The following RAPGEF1 variants were observed in gnomAD, a reference collection of about 807,000 sequenced individuals.
RAPGEF1 encodes CRK SH3-binding GNRP.
RAPGEF1 carries 33 observed loss-of-function variants against 143.3 expected under a neutral mutation model. The ratio of observed to expected loss-of-function variants is 0.23; its 90% CI spans 0.17 to 0.31. The LOEUF (loss-of-function observed/expected upper bound fraction) is 0.31, where lower values mean the gene tolerates loss of function less well. Among genes scored for constraint, RAPGEF1 ranks in the 10% least tolerant of loss-of-function variants. RAPGEF1 has a pLI of 1.00. For missense variants in RAPGEF1, 1,199 were observed against 1,645.4 expected, an observed-to-expected ratio of 0.73 and a Z score of 4.69; for synonymous variants, 629 against 676.5, an observed-to-expected ratio of 0.93 and a Z score of 1.09.
intron 1 of RAPGEF1, among the ~76,000 whole-genome samples, chr9:131,715,850 C>T (rs538138448): frequency 1.5e-5 from 2 of 134,758 alleles, no homozygotes; most frequent in Non-Finnish European, 3.1e-5. Flanking sequence ...GGTGACAGAG[C>T]GAGACTCCCT....
intron 1 of RAPGEF1, among the ~76,000 whole-genome samples, chr9:131,685,000 C>T (rs941158670): frequency 1.1e-4 from 16 of 152,176 alleles, no homozygotes; most frequent in African/African-American, 3.6e-4. Context: ...GAAAGCGGGA[C>T]AACCAGTCAC....
Position 131,584,278 on chromosome 9 carries a change from C to G in RAPGEF1, c.3414+33G>C. 3 of 1,563,178 alleles carry G rather than the reference C, an allele frequency of 1.9e-6. No individual in the cohort carries two copies. The highest frequency in any genetic ancestry group is 2.6e-6 in the Non-Finnish European group (3 of 1,147,938). Reference sequence around the variant, plus strand: ...AGGGCTGGGCGGCCCCCCTTACCAGCCACCCTCCCGCCCACGCCCCAAGGC... The same window carrying G: ...AGGGCTGGGCGGCCCCCCTTACCAGGCACCCTCCCGCCCACGCCCCAAGGC... On this transcript the variant is annotated intron_variant, in intron 24 of 26. Transcript: ENST00000683357. The surrounding 1 kb of genome is among the most constrained non-coding windows in gnomAD (Gnocchi z 6.8).
In RAPGEF1 at chr9:131,589,216, C is replaced by T. The variant is rs544250143; in HGVS notation, c.2868-230G>A. On this transcript the variant is annotated intron_variant, in intron 19 of 26. Transcript: ENST00000683357. ...CACACACTCAACAGCCATCTGTTGG[C>T]GCTGGACAAGCGCCAGTGACTGTGC... Among the ~76,000 whole-genome samples, 88 of 152,334 alleles carry T rather than the reference C, an allele frequency of 5.8e-4. 1 individual carries two copies. The highest frequency in any genetic ancestry group is 1.2e-3 in the Non-Finnish European group (80 of 68,026).
At chr9:131,609,754 C>T (rs1957724332) in intron 12 of RAPGEF1, among the ~76,000 whole-genome samples, 3 of 152,186 alleles carry the variant, frequency 2.0e-5, no homozygotes, top group Admixed American at 2.0e-4. Context: ...GCTGGCCAGG[C>T]ACCAGTTTTT....
chr9:131,660,682 T>C (rs889113653), intron 1 of RAPGEF1, among the ~76,000 whole-genome samples: 2 of 152,214 alleles, frequency 1.3e-5, no homozygotes, highest in African/African-American at 2.4e-5. Context: ...GGAAGCTGGA[T>C]GCGACATAGT....
At position 131,588,790 on chromosome 9, in the gene RAPGEF1, G is replaced by A; in HGVS notation, c.3053+11C>T. The stretch of plus-strand genomic sequence containing the variant: ...GGGGAAGAGGCAGGGCTGGAGAGGT[G>A]GGCTTCTCACCTGGCTGCTACCCCC... On this transcript the variant is annotated intron_variant, in intron 20 of 26. Coordinates refer to ENST00000683357, the MANE Select transcript of RAPGEF1 (RefSeq NM_001377935.1). 1.2e-6 allele frequency: 2 copies of A among 1,606,286 alleles called. No homozygotes were observed. Among genetic ancestry groups the A allele is most frequent in the Non-Finnish European group, 1.7e-6 (2 of 1,176,304 alleles).
At chr9:131,709,835 G>A in intron 1 of RAPGEF1, 1 of 1,438,810 alleles carries the variant, frequency 7.0e-7, no homozygotes, top group Non-Finnish European at 9.1e-7. Flanking sequence ...GGAAGCCTGA[G>A]GAATCTCATT....
chr9:131,605,686 G>A (rs1307093526), intron 12 of RAPGEF1, among the ~76,000 whole-genome samples: 1 of 152,050 alleles, frequency 6.6e-6, no homozygotes, highest in African/African-American at 2.4e-5. Context: ...AAGCGTGGCT[G>A]GCAAGCTGCA....
At chr9:131,595,711 C>G (rs1444806509) in intron 17 of RAPGEF1, among the ~76,000 whole-genome samples, 1 of 151,434 alleles carries the variant, frequency 6.6e-6, no homozygotes, top group Non-Finnish European at 1.5e-5. Context: ...TAGCAGAGTC[C>G]ACCCAACAAG....
At chr9:131,638,869 A>T (rs1316746401) in intron 4 of RAPGEF1, 78 bp from the exon 5 acceptor site, 2 of 1,434,396 alleles carry the variant, frequency 1.4e-6, no homozygotes, top group Non-Finnish European at 1.9e-6. Context: ...CTTCTCGGTG[A>T]CAAGGGTGTG....
At position 131,621,726 on chromosome 9, in the gene RAPGEF1, G is replaced by A. The variant is rs1961097136; in HGVS notation, c.1905+70C>T. Reference sequence around the variant, plus strand: ...GAGGAGGGTTAACCCTGCCCCCAAGGAGGGTCATTCTGGTTCCTAGAGACC... The same window carrying A: ...GAGGAGGGTTAACCCTGCCCCCAAGAAGGGTCATTCTGGTTCCTAGAGACC... On this transcript the variant is annotated intron_variant, in intron 11 of 26. Coordinates refer to ENST00000683357, the MANE Select transcript of RAPGEF1 (RefSeq NM_001377935.1). This position sits in a 1 kb window ranked among gnomAD's most constrained non-coding sequence, Gnocchi z 4.5. The A allele has an allele frequency of 6.8e-7, 1 of 1,466,938 alleles. No individual in the cohort carries two copies. Among genetic ancestry groups the A allele is most frequent in the African/African-American group, 1.4e-5 (1 of 71,480 alleles). The allele number at this position is 1,466,938 out of a possible 1,614,324, so 90.9% of individuals were successfully genotyped here. A position where few individuals can be genotyped will look rare whatever the true frequency, so the allele number is the denominator to read the frequency against.
chr9:131,585,983 C>T (rs1361839535), intron 22 of RAPGEF1, among the ~76,000 whole-genome samples: 1 of 151,984 alleles, frequency 6.6e-6, no homozygotes, highest in Non-Finnish European at 1.5e-5. Flanking sequence ...GTTGAGACCA[C>T]CCTGGCTAAC....
intron 1 of RAPGEF1, among the ~76,000 whole-genome samples, chr9:131,666,935 G>A (rs1040732608): frequency 6.6e-6 from 1 of 152,158 alleles, no homozygotes; most frequent in Non-Finnish European, 1.5e-5. Context: ...GGTTGGATCT[G>A]CCTGCTTCAG....
intron 16 of RAPGEF1, 30 bp downstream of exon 16, chr9:131,598,169 C>CTG: frequency 6.3e-7 from 1 of 1,588,402 alleles, no homozygotes; most frequent in Non-Finnish European, 8.6e-7. Flanking sequence ...TGGGGCCAGG[C>CTG]TGCAAAGCCC....
intron 1 of RAPGEF1, among the ~76,000 whole-genome samples, chr9:131,700,619 A>AT (rs1012457500): frequency 9.9e-5 from 15 of 152,200 alleles, no homozygotes; most frequent in African/African-American, 3.4e-4. Flanking sequence ...AAACAATAGA[A>AT]TTTTTTTTAG....
chr9:131,709,857 G>C (rs1181545582), intron 1 of RAPGEF1: 1 of 1,423,582 alleles, frequency 7.0e-7, no homozygotes, highest in Non-Finnish European at 9.1e-7. Context: ...TCAAGTCTTT[G>C]CCTTCTGCCT....
At chr9:131,615,111 T>C (rs991166520) in intron 12 of RAPGEF1, among the ~76,000 whole-genome samples, 23 of 152,310 alleles carry the variant, frequency 1.5e-4, no homozygotes, top group Non-Finnish European at 2.4e-4. Flanking sequence ...CTTGCTCTGT[T>C]GCCCAGGCTG....
chr9:131,651,442 A>G (rs1971059300), intron 1 of RAPGEF1, among the ~76,000 whole-genome samples: 1 of 152,202 alleles, frequency 6.6e-6, no homozygotes. Flanking sequence ...GGCCCTGGTG[A>G]AAGACTGAAA....
chr9:131,584,186 G>C lies in RAPGEF1; in HGVS notation c.3414+125C>G. 1.2e-6 allele frequency: 1 copy of C among 845,050 alleles called. No individual in the cohort carries two copies. The highest frequency in any genetic ancestry group is 1.9e-6 in the Non-Finnish European group (1 of 538,580). The allele number at this position is 845,050 out of a possible 1,614,324, so 52.3% of individuals were successfully genotyped here. A position where few individuals can be genotyped will look rare whatever the true frequency, so the allele number is the denominator to read the frequency against. On this transcript the variant is annotated intron_variant, in intron 24 of 26. Transcript: ENST00000683357. This position sits in a 1 kb window ranked among gnomAD's most constrained non-coding sequence, Gnocchi z 6.8. ...GTTCTGGTCACACAGCATGTCGGTG[G>C]CAGAGCAGGGGCCTAGGCCCAGCAT...
Sources: allele counts gnomAD v4.1 joint callset (sites outside exome capture counted in the v4.1 genomes callset), GRCh38; gene constraint gnomAD v4.1.1; non-coding constraint Gnocchi (gnomAD v3.1); transcripts MANE v1.5; gene names NCBI Gene and HGNC (gene_info 2026-07-23, HGNC 2026-07-21).